TCTN3: variants seen among roughly 807,000 people sequenced by gnomAD.
The protein encoded by TCTN3 is tectonic family member 3, also known as tectonic-3.
A neutral mutation model predicts 71.3 loss-of-function variants in TCTN3; 57 were observed. The ratio of observed to expected loss-of-function variants is 0.80; its 90% confidence interval spans 0.65 to 1.00. The LOEUF (loss-of-function observed/expected upper bound fraction) is 1.00, where lower values mean the gene tolerates loss of function less well. Ranked by LOEUF, TCTN3 falls within the 50% of genes least tolerant of loss-of-function variation. TCTN3 has a pLI of 0.00. For missense variants in TCTN3, 696 were observed against 719.9 expected (o/e 0.97, Z 0.38); for synonymous variants, 258 against 267.8 (o/e 0.96, Z 0.36).
intron 13 of TCTN3, among the ~76,000 whole-genome samples, chr10:95,671,593 G>C (rs1390624722): frequency 6.6e-6 from 1 of 152,180 alleles, no homozygotes; most frequent in Non-Finnish European, 1.5e-5. Context: ...TAACTTTTAG[G>C]TGTGTTTTTG....
chr10:95,669,248 A>G (rs559613137), intron 13 of TCTN3, among the ~76,000 whole-genome samples: 30 of 152,246 alleles, frequency 2.0e-4, no homozygotes, highest in Non-Finnish European at 2.1e-4. Context: ...GACTGTATTA[A>G]TAACAATATA....
chr10:95,674,169 T>C (rs543749774), intron 13 of TCTN3, among the ~76,000 whole-genome samples: 1 of 152,362 alleles, frequency 6.6e-6, no homozygotes, highest in South Asian at 2.1e-4. Context: ...GATAGAAATC[T>C]TAATGTTAAG....
chr10:95,676,986 T>C (rs1162200934), intron 13 of TCTN3, among the ~76,000 whole-genome samples: 2 of 152,180 alleles, frequency 1.3e-5, no homozygotes, highest in Non-Finnish European at 2.9e-5. Context: ...TCAAAGCCCA[T>C]GCTTACCATA....
In TCTN3 at chr10:95,680,526, G is replaced by T. The variant is rs1273140939; in HGVS notation, c.1536C>A (p.Asn512Lys). 1 of 1,614,174 alleles carries T rather than the reference G, an allele frequency of 6.2e-7. No homozygotes were observed. The highest frequency in any genetic ancestry group is 1.3e-5 in the African/African-American group (1 of 75,040). The change falls in exon 13 of 14, where the codon AAC becomes AAA. Residue 512 changes from asparagine (N) to lysine (K), a missense_variant. By Grantham distance (94) the Asn-to-Lys change is moderately conservative. Transcript: ENST00000371217. ...GAACTCCTGATACATGAGCTTGCGG[G>T]TTGGACAGGAGACCTACATATGCCC... is the stretch of plus-strand genomic sequence containing the variant. ...VLWAYVGLLS[N>K]PQAHVSGVRF...
intron 13 of TCTN3, among the ~76,000 whole-genome samples, chr10:95,666,187 C>T (rs1020865633): frequency 1.6e-4 from 24 of 151,876 alleles, no homozygotes; most frequent in Non-Finnish European, 3.2e-4. Flanking sequence ...GTGATCTGCC[C>T]GCCTCGGCCT....
chr10:95,687,734 A>G lies in TCTN3; in HGVS notation c.500-15T>C. The G allele has an allele frequency of 2.5e-6, 4 of 1,598,842 alleles. No homozygotes were observed. Among genetic ancestry groups the G allele is most frequent in the Non-Finnish European group, 3.4e-6 (4 of 1,176,292 alleles). ...GTTTAAGTTTGCTAAAATGTTTTTT[A>G]AAAGAAAAAGCGTTTAGATAAAAGA... On this transcript the variant is annotated splice_polypyrimidine_tract_variant and intron_variant, in intron 3 of 13. Coordinates refer to ENST00000371217, the MANE Select transcript of TCTN3 (RefSeq NM_015631.6).
chr10:95,682,958 G>C (rs1000793629), intron 11 of TCTN3, 143 bp downstream of exon 11: 2 of 1,233,338 alleles, frequency 1.6e-6, no homozygotes, highest in African/African-American at 3.0e-5. Context: ...AAAACTCTTA[G>C]CAATATCAAC....
In TCTN3 at chr10:95,693,377, G is replaced by T. The variant is rs536470087; in HGVS notation, c.356C>A (p.Ser119Tyr). ...CCTTACGCTGCCTGGAAGGCAGAAG[G>T]AGAAAACTGTCCTCGGATGGAGAAG... ...CYLLHPRTVF[S>Y]FCLPGSVRSS... Residue 119 changes from serine to tyrosine, a missense_variant, in exon 2 of 14, where the codon TCC (serine) becomes TAC (tyrosine). By Grantham distance (144) the Ser-to-Tyr change is moderately radical. Coordinates refer to ENST00000371217, the MANE Select transcript of TCTN3 (RefSeq NM_015631.6). 1 of 1,551,872 alleles carries T rather than the reference G, an allele frequency of 6.4e-7. No individual in the cohort carries two copies. The highest frequency in any genetic ancestry group is 8.7e-7 in the Non-Finnish European group (1 of 1,147,016).
chr10:95,663,669 TC>T lies in TCTN3; in HGVS notation c.*397del. 5.2e-6 allele frequency: 1 copy of T among 193,280 alleles called. No individual in the cohort carries two copies. The highest frequency in any genetic ancestry group is 1.2e-4 in the East Asian group (1 of 8,112). The allele number at this position is 193,280 out of a possible 1,614,324, so 12.0% of individuals were successfully genotyped here. A position where few individuals can be genotyped will look rare whatever the true frequency, so the allele number is the denominator to read the frequency against. ...CCTCTACAGTCCAGAGGGAAGCTAT[TC>T]CTGAGTTCATTCAAGGTGACAGCAG... is the stretch of plus-strand genomic sequence containing the variant. On this transcript the variant is annotated 3_prime_UTR_variant, in exon 14 of 14. Transcript: ENST00000371217.
intron 13 of TCTN3, 91 bp from the exon 14 acceptor site, chr10:95,664,391 A>G: frequency 9.2e-7 from 1 of 1,085,714 alleles, no homozygotes; most frequent in Non-Finnish European, 1.4e-6. Flanking sequence ...CCCTGAAGAG[A>G]GAAATGAATT....
At chr10:95,681,931 A>C (rs1335990150) in intron 12 of TCTN3, among the ~76,000 whole-genome samples, 5 of 152,216 alleles carry the variant, frequency 3.3e-5, no homozygotes, top group Admixed American at 2.6e-4. Flanking sequence ...ACAGTGGCTT[A>C]TGCCTGTAAT....
At chr10:95,677,580 G>A (rs1037157535) in intron 13 of TCTN3, among the ~76,000 whole-genome samples, 5 of 148,830 alleles carry the variant, frequency 3.4e-5, no homozygotes, top group Admixed American at 6.8e-5. Flanking sequence ...TATAGAAAGA[G>A]GAATTTAAAG....
At chr10:95,679,708 C>G (rs961514742) in intron 13 of TCTN3, among the ~76,000 whole-genome samples, 1 of 149,560 alleles carries the variant, frequency 6.7e-6, no homozygotes, top group African/African-American at 2.4e-5. Flanking sequence ...TCTCCTGCCT[C>G]AGCCTCCCAA....
At chr10:95,671,881 C>T (rs988223540) in intron 13 of TCTN3, among the ~76,000 whole-genome samples, 2 of 152,088 alleles carry the variant, frequency 1.3e-5, no homozygotes, top group African/African-American at 4.8e-5. Context: ...CAGGCGTGAG[C>T]CACTGTGCCT....
Position 95,687,243 on chromosome 10 carries a change from T to G in TCTN3, c.736+4A>C. 1 of 1,613,776 alleles carries G rather than the reference T, an allele frequency of 6.2e-7. No homozygotes were observed. Among genetic ancestry groups the G allele is most frequent in the South Asian group, 1.1e-5 (1 of 91,050 alleles). ...AAAGGTTGGTACTTTTGCTCTGGAT[T>G]CACCTGCAGGATTGCTTTCAGCACA... On this transcript the variant is annotated splice_donor_region_variant and intron_variant, in intron 5 of 13. Transcript: ENST00000371217.
Position 95,693,014 on chromosome 10 carries a change from G to A in TCTN3, c.405C>T (p.Asp135=), listed in dbSNP as rs1383693210. The A allele has an allele frequency of 1.2e-6, 2 of 1,613,506 alleles. No homozygotes were observed. The highest frequency in any genetic ancestry group is 1.1e-5 in the South Asian group (1 of 91,010). ...AATTACTCCTGAAGATAACAGAGTT[G>A]TCTACACAAACCCAGCTTGAAGACC... The part of the protein sequence containing the change: ...SVRSSSWVCV[D]NSVIFRSNSP... The change falls in exon 3 of 14, where the codon GAC becomes GAT. Residue 135 remains aspartate, a synonymous_variant. Transcript: ENST00000371217.
chr10:95,682,625 A>T, intron 12 of TCTN3, 26 bp downstream of exon 12: 1 of 1,600,668 alleles, frequency 6.2e-7, no homozygotes, highest in Non-Finnish European at 8.5e-7. Context: ...ATGAGTCTTC[A>T]TCAGAAAGTA....
intron 3 of TCTN3, among the ~76,000 whole-genome samples, chr10:95,689,397 A>T (rs901984075): frequency 1.3e-5 from 2 of 152,202 alleles, no homozygotes; most frequent in African/African-American, 4.8e-5. Context: ...CTCTGATCTG[A>T]AATCTTCAAA....
chr10:95,685,449 G>A lies in TCTN3; in HGVS notation c.969+107C>T, dbSNP rs562677355. The A allele has an allele frequency of 9.8e-6, 8 of 812,836 alleles. No individual in the cohort carries two copies. In the African/African-American group the frequency reaches 1.4e-4, roughly 14 times the overall value. The allele number at this position is 812,836 out of a possible 1,614,324, so 50.4% of individuals were successfully genotyped here. On this transcript the variant is annotated intron_variant, in intron 8 of 13. Coordinates refer to ENST00000371217, the MANE Select transcript of TCTN3 (RefSeq NM_015631.6). ...TGCATTCCCAACATTGTTAGAGAAT[G>A]CAAACAAAATTCAGTTGGGTCAGTC... is the stretch of plus-strand genomic sequence containing the variant.
Sources: allele counts gnomAD v4.1 joint callset (sites outside exome capture counted in the v4.1 genomes callset), GRCh38; gene constraint gnomAD v4.1.1; transcripts MANE v1.5; gene names NCBI Gene and HGNC (gene_info 2026-07-23, HGNC 2026-07-21).